Variants in CCDC183 observed in about 807,000 individuals in gnomAD.
CCDC183 encodes the protein coiled-coil domain containing 183.
CCDC183 carries 63 observed loss-of-function variants against 65.2 expected under a neutral mutation model. The observed-to-expected ratio is 0.97, with a 90% CI of 0.79 to 1.19. The LOEUF is 1.19. CCDC183 is among the 50% of genes most tolerant of loss of function. The probability of loss-of-function intolerance (pLI) is 0.00; values close to 1 mark genes in which losing one functional copy is unlikely to be tolerated. For missense variants in CCDC183, 769 were observed against 689.3 expected, an observed-to-expected ratio of 1.12 and a Z score of -1.30; for synonymous variants, 323 against 276.5, an observed-to-expected ratio of 1.17 and a Z score of -1.67.
chr9:136,799,042 G>T (rs1847696057), intron 1 of CCDC183, 60 bp from the exon 2 acceptor site: 1 of 1,604,850 alleles, frequency 6.2e-7, no homozygotes, highest in African/African-American at 1.3e-5. Flanking sequence ...TCCCCCAGGG[G>T]ATTCCAGGCC....
At chr9:136,799,407 C>A in intron 2 of CCDC183, 184 bp downstream of exon 2, 1 of 1,029,684 alleles carries the variant, frequency 9.7e-7, no homozygotes, top group Non-Finnish European at 1.4e-6. Flanking sequence ...ATCCGGTGGG[C>A]AGGTTTCCCA....
At chr9:136,799,511 C>T (rs1847702882) in intron 2 of CCDC183, 2 of 662,850 alleles carry the variant, frequency 3.0e-6, no homozygotes, top group South Asian at 1.9e-5. Flanking sequence ...CCCAGGCCCT[C>T]CTCTGCATAC....
rs747383796 is a variant in CCDC183, at chr9:136,806,570, G to A, written c.1176G>A (p.Ala392=). ...AGGAAGAAGAGAGGCTCCAGCTGGC[G>A]CACAGCAACATGACCAAGGGCCAGG... ...LKEEEERLQL[A]HSNMTKGQEL... The change falls in exon 11 of 14, where the codon GCG becomes GCA. Residue 392 remains alanine (A), a synonymous_variant. Coordinates refer to ENST00000338005, the MANE Select transcript of CCDC183 (RefSeq NM_001039374.5). The A allele has an allele frequency of 1.1e-5, 18 of 1,613,536 alleles. No homozygotes were observed. In the Middle Eastern group the frequency reaches 9.9e-4, roughly 88 times the overall value.
At chr9:136,799,895 C>G in intron 3 of CCDC183, 105 bp downstream of exon 3, 2 of 1,512,156 alleles carry the variant, frequency 1.3e-6, no homozygotes, top group Non-Finnish European at 9.0e-7. Flanking sequence ...GTGCCCAGCC[C>G]CAGGTTCCCT....
At position 136,806,508 on chromosome 9, in the gene CCDC183, A is replaced by C. The variant is rs759072992; in HGVS notation, c.1114A>C (p.Lys372Gln). 4 of 1,613,368 alleles carry C rather than the reference A, an allele frequency of 2.5e-6. No homozygotes were observed. Among genetic ancestry groups the C allele is most frequent in the Non-Finnish European group, 2.5e-6 (3 of 1,180,022 alleles). ...TGTCCCTATTGCCTTCTGCAGCTTC[A>C]AGTCCGTTGAGAAGAAAATGACAGA... ...FRQKPSSISF[K>Q]SVEKKMTDML... The change falls in exon 11 of 14, where the codon AAG (lysine) becomes CAG (glutamine). Residue 372 changes from lysine to glutamine, a missense_variant. Transcript: ENST00000338005.
Position 136,800,158 on chromosome 9 carries a change from C to T in CCDC183, c.427C>T (p.Arg143Trp), listed in dbSNP as rs756399459. Residue 143 changes from arginine (R) to tryptophan (W), a missense_variant, in exon 4 of 14, where the codon CGG (arginine) becomes TGG (tryptophan). Transcript: ENST00000338005. ...SQPDASKEEL[R>W]LLQIIRQLEN... Reference sequence around the variant, plus strand: ...GCCCGACGCCAGCAAGGAGGAGCTGCGGCTGCTGCAGGTGGAGAGGCGGGG... The same window carrying T: ...GCCCGACGCCAGCAAGGAGGAGCTGTGGCTGCTGCAGGTGGAGAGGCGGGG... 2.5e-5 allele frequency: 24 copies of T among 974,176 alleles called. No individual in the cohort carries two copies. The highest frequency in any genetic ancestry group is 5.0e-5 in the African/African-American group (3 of 59,912). The allele number at this position is 974,176 out of a possible 1,614,324, so 60.3% of individuals were successfully genotyped here. A position where few individuals can be genotyped will look rare whatever the true frequency, so the allele number is the denominator to read the frequency against.
At position 136,807,063 on chromosome 9, in the gene CCDC183, A is replaced by T; in HGVS notation, c.1483A>T (p.Ile495Phe). ...ISFENREEDM[I>F]DTFQFPDMDH... ...CTTTGAGAACCGGGAGGAGGATATG[A>T]TCGGTACAGGCCCCGGAACTGGGGC... Residue 495 changes from isoleucine to phenylalanine, a missense_variant, in exon 13 of 14, where the codon ATC (isoleucine) becomes TTC (phenylalanine). Physicochemically the swap from Ile to Phe is conservative, Grantham distance 21. Transcript: ENST00000338005. 6.2e-7 allele frequency: 1 copy of T among 1,612,712 alleles called. No individual in the cohort carries two copies. The highest frequency in any genetic ancestry group is 8.5e-7 in the Non-Finnish European group (1 of 1,179,836).
chr9:136,802,162 A>C (rs1847745520), intron 5 of CCDC183, among the ~76,000 whole-genome samples: 1 of 152,218 alleles, frequency 6.6e-6, no homozygotes, highest in African/African-American at 2.4e-5. Context: ...TTCTGGGCTA[A>C]ATAATTCCTT....
chr9:136,805,318 T>C, intron 8 of CCDC183, 39 bp from the exon 9 acceptor site: 1 of 1,547,560 alleles, frequency 6.5e-7, no homozygotes, highest in Non-Finnish European at 8.9e-7. Flanking sequence ...CCCTGAGCCA[T>C]CCCTGCATGC....
At position 136,804,769 on chromosome 9, in the gene CCDC183, T is replaced by C; in HGVS notation, c.800T>C (p.Met267Thr). The change falls in exon 8 of 14, where the codon ATG (methionine) becomes ACG (threonine). Residue 267 changes from methionine to threonine, a missense_variant. Met to Thr is a moderately conservative substitution (Grantham distance 81). Coordinates refer to ENST00000338005, the MANE Select transcript of CCDC183 (RefSeq NM_001039374.5). The surrounding 1 kb of genome is among the most constrained non-coding windows in gnomAD (Gnocchi z 4.1). ...ETSEKYRRGQ[M>T]DLDFPSNLMS... ...GCCCCCACCTCCCATCAGGGCCAGA[T>C]GGACTTGGACTTCCCCTCGAACCTG... 1 of 1,613,554 alleles carries C rather than the reference T, an allele frequency of 6.2e-7. No individual in the cohort carries two copies. Among genetic ancestry groups the C allele is most frequent in the African/African-American group, 1.3e-5 (1 of 74,926 alleles).
rs1210554769 is a variant in CCDC183, at chr9:136,807,605, A to C, written c.1520A>C (p.Tyr507Ser). Residue 507 changes from tyrosine to serine, a missense_variant, in exon 14 of 14, where the codon TAC (tyrosine) becomes TCC (serine). Physicochemically the swap from Tyr to Ser is moderately radical, Grantham distance 144. Transcript: ENST00000338005. ...CAGTTCCCCGACATGGACCACAGCT[A>C]CGTCCCTTCGCGCGCCGAGATCAAG... ...TFQFPDMDHS[Y>S]VPSRAEIKRQ... is the part of the protein sequence containing the mutation. 6 of 1,606,116 alleles carry C rather than the reference A, an allele frequency of 3.7e-6. No individual in the cohort carries two copies. The highest frequency in any genetic ancestry group is 5.1e-6 in the Non-Finnish European group (6 of 1,176,940).
Position 136,804,504 on chromosome 9 carries a change from G to C in CCDC183, c.669G>C (p.Arg223Ser), listed in dbSNP as rs772262649. The C allele has an allele frequency of 6.8e-6, 11 of 1,612,312 alleles. No homozygotes were observed. The East Asian group carries it at 2.2e-4, about 33-fold the overall frequency. Residue 223 changes from arginine (R) to serine (S), a missense_variant and splice_region_variant, in exon 7 of 14, where the codon AGG (arginine) becomes AGC (serine). Coordinates refer to ENST00000338005, the MANE Select transcript of CCDC183 (RefSeq NM_001039374.5). This position sits in a 1 kb window ranked among gnomAD's most constrained non-coding sequence, Gnocchi z 4.1. ...DAMMITDEVK[R>S]NMRQREASFI... Reference sequence around the variant, plus strand: ...TGTGCCCACCCGCATGTCCCCAGAGGAACATGAGGCAAAGGGAGGCGTCCT... The same window carrying C: ...TGTGCCCACCCGCATGTCCCCAGAGCAACATGAGGCAAAGGGAGGCGTCCT...
intron 4 of CCDC183, 41 bp downstream of exon 4, chr9:136,800,210 G>A: frequency 7.0e-7 from 1 of 1,421,354 alleles, no homozygotes; most frequent in Non-Finnish European, 9.5e-7. Context: ...GAGTCCACTG[G>A]GGCAAGACTC....
At chr9:136,800,694 A>G in intron 5 of CCDC183, 1 of 582,300 alleles carries the variant, frequency 1.7e-6, no homozygotes, top group Admixed American at 3.0e-5. Context: ...ATCGTGGGGT[A>G]TATCAGAATT....
chr9:136,799,798 G>C lies in CCDC183; in HGVS notation c.270+8G>C. 6.2e-7 allele frequency: 1 copy of C among 1,611,816 alleles called. No homozygotes were observed. Among genetic ancestry groups the C allele is most frequent in the Non-Finnish European group, 8.5e-7 (1 of 1,179,116 alleles). ...TGCCGCAGCACCATGGAGGTAACCAGGCAGGAGGGGCCTCGAGACCCAACC... is the reference window on the plus strand; with the variant it reads ...TGCCGCAGCACCATGGAGGTAACCACGCAGGAGGGGCCTCGAGACCCAACC... On this transcript the variant is annotated splice_region_variant and intron_variant, in intron 3 of 13. Transcript: ENST00000338005.
At chr9:136,800,337 C>T (rs1847719672) in intron 4 of CCDC183, 52 bp from the exon 5 acceptor site, 5 of 1,530,246 alleles carry the variant, frequency 3.3e-6, no homozygotes, top group African/African-American at 1.4e-5. Flanking sequence ...CCCCGACACC[C>T]TCCGGGCGGC....
intron 5 of CCDC183, among the ~76,000 whole-genome samples, chr9:136,801,422 C>A (rs1043656675): frequency 6.6e-6 from 1 of 151,998 alleles, no homozygotes; most frequent in Admixed American, 6.6e-5. Context: ...CAATTATTCC[C>A]GGCCTGGGCA....
intron 4 of CCDC183, 83 bp downstream of exon 4, chr9:136,800,252 C>G (rs1434204970): frequency 7.7e-6 from 10 of 1,299,630 alleles, no homozygotes; most frequent in East Asian, 5.2e-5. Flanking sequence ...GGGGGCGGGA[C>G]TTGCGGGTCC....
chr9:136,806,843 G>T lies in CCDC183; in HGVS notation c.1365G>T (p.Val455=). 2 of 1,613,602 alleles carry T rather than the reference G, an allele frequency of 1.2e-6. No individual in the cohort carries two copies. Among genetic ancestry groups the T allele is most frequent in the Non-Finnish European group, 1.7e-6 (2 of 1,180,024 alleles). ...EGKLTYLADR[V]QMVSRTEEGD... is the part of the protein sequence containing the mutation. ...AGCTCACGTACCTGGCTGACAGAGT[G>T]CAGATGGTGTCCAGGACCGAGGAGG... The change falls in exon 12 of 14, where the codon GTG becomes GTT. Residue 455 remains valine, a synonymous_variant. Coordinates refer to ENST00000338005, the MANE Select transcript of CCDC183 (RefSeq NM_001039374.5).
Sources: gnomAD v4.1 joint callset for allele counts (sites outside exome capture counted in the v4.1 genomes callset) on GRCh38, gnomAD v4.1.1 for gene constraint, Gnocchi (gnomAD v3.1) non-coding constraint, MANE v1.5 for transcripts, NCBI Gene and HGNC (gene_info 2026-07-23, HGNC 2026-07-21) for gene names.